Variants in NOX3 observed in about 807,000 individuals in gnomAD.
The protein encoded by NOX3 is NADPH oxidase catalytic subunit-like 3.
Under a neutral mutation model 76.7 loss-of-function variants are expected in NOX3, and 74 were observed. That is an observed-to-expected ratio of 0.96 (90% CI 0.80 to 1.17). The LOEUF is 1.17. Ranked by LOEUF, NOX3 falls within the 50% of genes most tolerant of loss-of-function variation. The pLI is 0.00. For synonymous variants in NOX3, 263 were observed against 261.1 expected (o/e 1.01, Z -0.07); for missense variants, 695 against 703.3 (o/e 0.99, Z 0.13).
intron 9 of NOX3, among the ~76,000 whole-genome samples, chr6:155,426,348 A>G (rs1776754812): frequency 6.6e-6 from 1 of 152,188 alleles, no homozygotes; most frequent in Non-Finnish European, 1.5e-5. Flanking sequence ...CCCTTTTCTC[A>G]TAGAGCTTCC....
chr6:155,437,681 A>G (rs1776926616), intron 6 of NOX3, among the ~76,000 whole-genome samples: 1 of 152,218 alleles, frequency 6.6e-6, no homozygotes, highest in African/African-American at 2.4e-5. Flanking sequence ...CAGATACTTT[A>G]ACACTTTCAT....
chr6:155,454,918 T>C lies in NOX3; in HGVS notation c.148A>G (p.Thr50Ala). Reference sequence around the variant, plus strand: ...GCGGATGCTCGTGCCCAAGCCAGTGTTGACTGTCCACATGTAAAGACATAA... The same window carrying C: ...GCGGATGCTCGTGCCCAAGCCAGTGCTGACTGTCCACATGTAAAGACATAA... ...FHYTRVILGS[T>A]LAWARASALC... Residue 50 changes from threonine to alanine, a missense_variant, in exon 3 of 14, where the codon ACA (threonine) becomes GCA (alanine). Physicochemically the swap from Thr to Ala is moderately conservative, Grantham distance 58. Transcript: ENST00000159060. 1.2e-6 allele frequency: 2 copies of C among 1,609,556 alleles called. No homozygotes were observed. The highest frequency in any genetic ancestry group is 8.5e-7 in the Non-Finnish European group (1 of 1,177,356).
chr6:155,443,198 A>G, intron 5 of NOX3, 75 bp downstream of exon 5: 1 of 1,383,056 alleles, frequency 7.2e-7, no homozygotes, highest in Non-Finnish European at 9.7e-7. Flanking sequence ...GCTTTTCAAT[A>G]TAGCGTTCCT....
At chr6:155,453,029 A>G (rs533853542) in intron 4 of NOX3, among the ~76,000 whole-genome samples, 75 of 152,212 alleles carry the variant, frequency 4.9e-4, no homozygotes, top group African/African-American at 1.6e-3. Context: ...ATACTATTTG[A>G]CAGTCATTTT....
chr6:155,423,684 C>T (rs559845288), intron 9 of NOX3, among the ~76,000 whole-genome samples: 11 of 151,870 alleles, frequency 7.2e-5, no homozygotes, highest in South Asian at 2.1e-4. Context: ...CCTTTGCATG[C>T]GATACCATTT....
At chr6:155,433,259 G>A (rs1193101741) in intron 7 of NOX3, among the ~76,000 whole-genome samples, 2 of 152,170 alleles carry the variant, frequency 1.3e-5, no homozygotes, top group African/African-American at 2.4e-5. Flanking sequence ...AGCCAGTGTC[G>A]TTACCTGTGT....
intron 10 of NOX3, among the ~76,000 whole-genome samples, chr6:155,415,474 G>GA (rs1439537438): frequency 6.6e-6 from 1 of 151,762 alleles, no homozygotes; most frequent in Non-Finnish European, 1.5e-5. Flanking sequence ...GAATGAAACA[G>GA]AAAAAAAATT....
chr6:155,446,003 T>G (rs1777061413), intron 4 of NOX3, among the ~76,000 whole-genome samples: 1 of 137,060 alleles, frequency 7.3e-6, no homozygotes, highest in Admixed American at 7.2e-5. Flanking sequence ...ATATAATATA[T>G]ATATATTGCA....
Position 155,422,712 on chromosome 6 carries a change from G to A in NOX3, c.1290C>T (p.Thr430=), listed in dbSNP as rs777351876. 1.9e-6 allele frequency: 3 copies of A among 1,614,088 alleles called. No homozygotes were observed. The highest frequency in any genetic ancestry group is 2.5e-6 in the Non-Finnish European group (3 of 1,179,970). ...TCCGTACCTTGCTCAGCTTCAGTGG[G>A]GTCTGTGCCTCACTGCATTTGTACC... is the stretch of plus-strand genomic sequence containing the variant. The part of the protein sequence containing the change: ...SIWYKCSEAQ[T]PLKLSKVYFY... Residue 430 remains threonine (T), a synonymous_variant, in exon 10 of 14, where the codon ACC becomes ACT. Coordinates refer to ENST00000159060, the MANE Select transcript of NOX3 (RefSeq NM_015718.3).
chr6:155,438,378 T>C (rs1445807203), intron 6 of NOX3, among the ~76,000 whole-genome samples: 1 of 152,190 alleles, frequency 6.6e-6, no homozygotes, highest in East Asian at 1.9e-4. Flanking sequence ...GGAAAGCCTC[T>C]AGCCAGGCAG....
At chr6:155,433,147 G>A (rs1776856247) in intron 7 of NOX3, among the ~76,000 whole-genome samples, 1 of 152,162 alleles carries the variant, frequency 6.6e-6, no homozygotes, top group African/African-American at 2.4e-5. Flanking sequence ...TTGATAAAAT[G>A]TAATGGATTA....
chr6:155,452,457 G>T (rs1268573715), intron 4 of NOX3, among the ~76,000 whole-genome samples: 1 of 152,066 alleles, frequency 6.6e-6, no homozygotes, highest in Non-Finnish European at 1.5e-5. Context: ...AAACCACAAA[G>T]ACCTTTTACA....
At chr6:155,404,127 AT>A (rs4031391) in intron 12 of NOX3, among the ~76,000 whole-genome samples, 2,353 of 145,332 alleles carry the variant, frequency 0.016, 53 homozygotes, top group East Asian at 0.077. Context: ...ATATATATAT[AT>A]TTTTTTTTTC....
chr6:155,397,877 A>G (rs2114671627), intron 12 of NOX3, among the ~76,000 whole-genome samples: 1 of 152,298 alleles, frequency 6.6e-6, no homozygotes, highest in South Asian at 2.1e-4. Context: ...AGTCACCCAA[A>G]CGTTGTCATC....
intron 10 of NOX3, 35 bp from the exon 11 acceptor site, chr6:155,411,395 C>G: frequency 6.3e-7 from 1 of 1,590,930 alleles, no homozygotes; most frequent in Non-Finnish European, 8.6e-7. Flanking sequence ...CGGATCTATT[C>G]TCTTTTCATA....
At chr6:155,439,870 C>T (rs915970997) in intron 6 of NOX3, 86 bp downstream of exon 6, 56 of 1,262,066 alleles carry the variant, frequency 4.4e-5, no homozygotes, top group African/African-American at 1.0e-4. Flanking sequence ...CACCGCACGC[C>T]GGCTCCTTCA....
chr6:155,416,741 A>ATTTTTTTTTTTTTTTT (rs1225392241), intron 10 of NOX3, among the ~76,000 whole-genome samples: 1 of 100,128 alleles, frequency 1.0e-5, no homozygotes, highest in African/African-American at 4.4e-5. Flanking sequence ...CATCTGAAAC[A>ATTTTTTTTTTTTTTTT]TTCTTTTTTT....
intron 10 of NOX3, among the ~76,000 whole-genome samples, chr6:155,415,259 TA>T (rs373891728): frequency 2.0e-4 from 31 of 152,286 alleles, no homozygotes; most frequent in African/African-American, 6.3e-4. Context: ...TAAATTTTGA[TA>T]AACAGTTTCA....
chr6:155,430,790 A>G, intron 8 of NOX3, 53 bp downstream of exon 8: 1 of 1,311,592 alleles, frequency 7.6e-7, no homozygotes, highest in Non-Finnish European at 1.1e-6. Flanking sequence ...GGGCTAATAA[A>G]AAATTTTCAT....
Sources: gnomAD v4.1 joint callset for allele counts (sites outside exome capture counted in the v4.1 genomes callset) on GRCh38, gnomAD v4.1.1 for gene constraint, MANE v1.5 for transcripts, NCBI Gene and HGNC (gene_info 2026-07-23, HGNC 2026-07-21) for gene names.